The following PLPP1 variants were observed in gnomAD, a reference collection of about 807,000 sequenced individuals.
The protein encoded by PLPP1 is lipid phosphate phosphohydrolase 1a.
In PLPP1, 24 loss-of-function variants were observed where a neutral mutation model predicts 31.2. The observed-to-expected ratio is 0.77, with a 90% CI of 0.56 to 1.08. The LOEUF is 1.08. Among genes scored for constraint, PLPP1 ranks in the 50% least tolerant of loss-of-function variants. PLPP1 has a pLI of 0.00. For missense variants in PLPP1, 319 were observed against 342.7 expected (o/e 0.93, Z 0.55); for synonymous variants, 146 against 126.3 (o/e 1.16, Z -1.05).
At chr5:55,525,359 C>T (rs1039518014) in intron 1 of PLPP1, among the ~76,000 whole-genome samples, 9 of 152,154 alleles carry the variant, frequency 5.9e-5, no homozygotes, top group African/African-American at 1.9e-4. Context: ...AAAACTTTCC[C>T]AAGGTCACAG....
chr5:55,441,798 C>T, intron 4 of PLPP1, 53 bp downstream of exon 4: 2 of 1,549,974 alleles, frequency 1.3e-6, no homozygotes, highest in Non-Finnish European at 1.8e-6. Context: ...ATGCTGAGCA[C>T]ATTAATTCCA....
At chr5:55,505,643 G>A (rs994969965) in intron 1 of PLPP1, among the ~76,000 whole-genome samples, 1 of 152,086 alleles carries the variant, frequency 6.6e-6, no homozygotes, top group African/African-American at 2.4e-5. Context: ...GTCAAGAAAA[G>A]TCAAAAGGTC....
At chr5:55,425,436 T>G (rs886115288) in intron 5 of PLPP1, 102 bp from the exon 6 acceptor site, 133 of 1,094,502 alleles carry the variant, frequency 1.2e-4, no homozygotes, top group Non-Finnish European at 1.7e-4. Flanking sequence ...CAAAAGGATA[T>G]ACTTTGAGGT....
chr5:55,519,581 C>T (rs1753620550), intron 1 of PLPP1, among the ~76,000 whole-genome samples: 1 of 151,682 alleles, frequency 6.6e-6, no homozygotes, highest in Non-Finnish European at 1.5e-5. Flanking sequence ...AAACCCCATC[C>T]CTACTAAAAA....
intron 1 of PLPP1, among the ~76,000 whole-genome samples, chr5:55,487,719 C>T (rs1752802995): frequency 6.6e-6 from 1 of 151,982 alleles, no homozygotes; most frequent in Non-Finnish European, 1.5e-5. Context: ...AGATGTTATA[C>T]ACAAACTATT....
intron 1 of PLPP1, among the ~76,000 whole-genome samples, chr5:55,517,062 A>G (rs2111925984): frequency 6.6e-6 from 1 of 152,352 alleles, no homozygotes; most frequent in African/African-American, 2.4e-5. Flanking sequence ...GGCTAGCCTC[A>G]TAGCAACTAT....
intron 1 of PLPP1, among the ~76,000 whole-genome samples, chr5:55,512,466 CTCAAAA>C (rs1292160038): frequency 0.022 from 370 of 17,200 alleles, 5 homozygotes; most frequent in African/African-American, 0.052. Flanking sequence ...GCAAGACTGT[CTCAAAA>C]AAAAAAAAAA....
At chr5:55,474,749 A>C (rs932780216) in intron 2 of PLPP1, among the ~76,000 whole-genome samples, 27 of 152,248 alleles carry the variant, frequency 1.8e-4, no homozygotes, top group Non-Finnish European at 5.9e-5. Flanking sequence ...ACATACATAC[A>C]GATACAATAA....
chr5:55,430,357 C>A (rs1579915834), intron 4 of PLPP1, among the ~76,000 whole-genome samples: 1 of 152,336 alleles, frequency 6.6e-6, no homozygotes, highest in South Asian at 2.1e-4. Flanking sequence ...GCATGCTCAG[C>A]CTGCTGCTGC....
At chr5:55,487,282 C>A (rs570829385) in intron 1 of PLPP1, among the ~76,000 whole-genome samples, 1 of 151,546 alleles carries the variant, frequency 6.6e-6, no homozygotes, top group Non-Finnish European at 1.5e-5. Context: ...AAAGTTTGTA[C>A]ATAAAAAGTC....
chr5:55,450,563 A>G (rs1443517281), intron 3 of PLPP1, among the ~76,000 whole-genome samples: 1 of 152,212 alleles, frequency 6.6e-6, no homozygotes, highest in African/African-American at 2.4e-5. Context: ...GACTACTGTA[A>G]CAGATGAGGA....
rs541977313 is a variant in PLPP1, at chr5:55,450,650, A to T, written c.492-8742T>A. Among the ~76,000 whole-genome samples, 81 of 152,180 alleles carry T rather than the reference A, an allele frequency of 5.3e-4. 1 individual carries two copies. Among genetic ancestry groups the T allele is most frequent in the Admixed American group, 1.4e-3 (22 of 15,284 alleles). On this transcript the variant is annotated intron_variant, in intron 3 of 5. Coordinates refer to ENST00000307259, the MANE Select transcript of PLPP1 (RefSeq NM_003711.4). Reference sequence around the variant, plus strand: ...CTACTAACCAGGGGAAGGAAAGATCATAAGTTTCCTTGGTTATTAAGGAAA... The same window carrying T: ...CTACTAACCAGGGGAAGGAAAGATCTTAAGTTTCCTTGGTTATTAAGGAAA...
chr5:55,429,453 C>T (rs1338258576), intron 4 of PLPP1, among the ~76,000 whole-genome samples: 2 of 152,094 alleles, frequency 1.3e-5, no homozygotes, highest in African/African-American at 4.8e-5. Context: ...GAGGCTCCCC[C>T]ATGCTGGAGA....
intron 3 of PLPP1, among the ~76,000 whole-genome samples, chr5:55,456,739 T>C (rs998480375): frequency 1.3e-5 from 2 of 152,234 alleles, no homozygotes; most frequent in African/African-American, 4.8e-5. Flanking sequence ...AACTGACTCA[T>C]TCTGGAAAGA....
At chr5:55,455,871 C>G (rs1035743208) in intron 3 of PLPP1, among the ~76,000 whole-genome samples, 3 of 152,122 alleles carry the variant, frequency 2.0e-5, no homozygotes, top group African/African-American at 7.2e-5. Context: ...GAGGTTGTGG[C>G]CCAGCAAATC....
At chr5:55,523,733 T>C (rs1341189932) in intron 1 of PLPP1, among the ~76,000 whole-genome samples, 2 of 152,182 alleles carry the variant, frequency 1.3e-5, no homozygotes, top group African/African-American at 2.4e-5. Flanking sequence ...TGTGACAAAA[T>C]GCCCTTTTCT....
At chr5:55,444,774 G>GT (rs1452816182) in intron 3 of PLPP1, among the ~76,000 whole-genome samples, 1 of 15,156 alleles carries the variant, frequency 6.6e-5, no homozygotes, top group African/African-American at 1.6e-4. Context: ...TGTGTGTGAT[G>GT]GAGTCTCGCT....
chr5:55,427,100 AAAAAG>A (rs1244808987), intron 4 of PLPP1, among the ~76,000 whole-genome samples: 2 of 152,100 alleles, frequency 1.3e-5, no homozygotes, highest in East Asian at 3.8e-4. Flanking sequence ...AAAAAAAAAA[AAAAAG>A]AAAACTACCT....
chr5:55,434,554 A>T (rs1451268267), intron 4 of PLPP1, among the ~76,000 whole-genome samples: 1 of 152,238 alleles, frequency 6.6e-6, no homozygotes, highest in Non-Finnish European at 1.5e-5. Context: ...TAACCAAAAC[A>T]GCACAGTATT....
Sources: gnomAD v4.1 joint callset for allele counts (sites outside exome capture counted in the v4.1 genomes callset) on GRCh38, gnomAD v4.1.1 for gene constraint, MANE v1.5 for transcripts, NCBI Gene and HGNC (gene_info 2026-07-23, HGNC 2026-07-21) for gene names.